The following AGO2 variants were observed in gnomAD, a reference collection of about 807,000 sequenced individuals.
AGO2 encodes protein argonaute-2.
AGO2 carries 5 observed loss-of-function variants against 102.3 expected under a neutral mutation model. The observed-to-expected ratio is 0.05, with a 90% confidence interval of 0.03 to 0.10. The LOEUF (loss-of-function observed/expected upper bound fraction) is 0.10. Ranked by LOEUF, AGO2 falls within the 10% of genes least tolerant of loss-of-function variation. The pLI, the probability that AGO2 is intolerant of heterozygous loss-of-function variation, is 1.00. For missense variants in AGO2, 541 were observed against 1,183.7 expected (o/e 0.46, Z 7.97); for synonymous variants, 449 against 473.1 (o/e 0.95, Z 0.66).
In AGO2 at chr8:140,557,261, G is replaced by T; in HGVS notation, c.879-25C>A. On this transcript the variant is annotated intron_variant, in intron 7 of 18. Transcript: ENST00000220592. This position sits in a 1 kb window ranked among gnomAD's most constrained non-coding sequence, Gnocchi z 5.9. ...TCTGAGGAGCAAAGGGGCTGTTCAG[G>T]CCGAGGGCATCCCGGAGCCCCTTCC... is the stretch of plus-strand genomic sequence containing the variant. 6.3e-7 allele frequency: 1 copy of T among 1,594,658 alleles called. No homozygotes were observed. The highest frequency in any genetic ancestry group is 1.8e-4 in the Middle Eastern group (1 of 5,648).
intron 1 of AGO2, among the ~76,000 whole-genome samples, chr8:140,623,958 G>A (rs767116776): frequency 2.0e-5 from 3 of 152,098 alleles, no homozygotes; most frequent in Admixed American, 6.5e-5. Flanking sequence ...TAGACACAAG[G>A]GAACCAAGAT....
At chr8:140,551,268 C>A (rs776100592) in intron 11 of AGO2, 35 bp downstream of exon 11, 1 of 1,473,318 alleles carries the variant, frequency 6.8e-7, no homozygotes, top group Non-Finnish European at 9.1e-7. Flanking sequence ...CGGGCAGCAC[C>A]CCCAGGCCGG....
intron 6 of AGO2, 91 bp from the exon 7 acceptor site, chr8:140,558,663 G>T: frequency 1.8e-5 from 25 of 1,393,164 alleles, no homozygotes; most frequent in South Asian, 3.5e-5. Flanking sequence ...TAGGAATGTG[G>T]CTGGGGACCC....
intron 1 of AGO2, among the ~76,000 whole-genome samples, chr8:140,606,117 A>G (rs1174961498): frequency 6.6e-6 from 1 of 152,230 alleles, no homozygotes; most frequent in African/African-American, 2.4e-5. Context: ...TAAGTAAGGT[A>G]AGATTTTTTC....
intron 1 of AGO2, among the ~76,000 whole-genome samples, chr8:140,600,689 A>G (rs1319755186): frequency 6.6e-6 from 1 of 151,768 alleles, no homozygotes; most frequent in African/African-American, 2.4e-5. Flanking sequence ...TCAAAAAAAA[A>G]AAAAAATCCA....
intron 1 of AGO2, among the ~76,000 whole-genome samples, chr8:140,627,679 T>A (rs1055619977): frequency 2.0e-5 from 3 of 152,200 alleles, no homozygotes; most frequent in African/African-American, 7.2e-5. Flanking sequence ...AAACAGGTAT[T>A]GGCCGATTTG....
At chr8:140,573,482 G>A (rs1436233673) in intron 2 of AGO2, among the ~76,000 whole-genome samples, 1 of 152,070 alleles carries the variant, frequency 6.6e-6, no homozygotes, top group Non-Finnish European at 1.5e-5. Context: ...CCAGCCCTCT[G>A]ATGCTATTTT....
rs1325125494 is a variant in AGO2 at position 140,567,959 on chromosome 8, C to T, written c.336+4853G>A. ...CGGGCAATGTGGCAAAACTCTGTCC[C>T]TACAAAAAGAAAATTAGTGGCGGGG... On this transcript the variant is annotated intron_variant, in intron 3 of 18. Transcript: ENST00000220592. The surrounding 1 kb of genome is among the most constrained non-coding windows in gnomAD (Gnocchi z 5.0). Among the ~76,000 whole-genome samples the T allele has an allele frequency of 1.3e-5, 2 of 152,028 alleles. No individual in the cohort carries two copies. Among genetic ancestry groups the T allele is most frequent in the Non-Finnish European group, 2.9e-5 (2 of 67,976 alleles).
rs2293938 is a variant in AGO2 at position 140,540,968 on chromosome 8, G to C, written c.2034+196C>G. ...CCTCCCCTCCCTCTGTCCTGCCTCA[G>C]TGTCATGTGTTAGGGTCTCGACAGC... On this transcript the variant is annotated intron_variant, in intron 15 of 18. Coordinates refer to ENST00000220592, the MANE Select transcript of AGO2 (RefSeq NM_012154.5). This position sits in a 1 kb window ranked among gnomAD's most constrained non-coding sequence, Gnocchi z 5.0. Among the ~76,000 whole-genome samples the C allele has an allele frequency of 0.23, 34,482 of 151,444 alleles. 4,449 individuals carry two copies. Among genetic ancestry groups the C allele is most frequent in the East Asian group, 0.34 (1,724 of 5,080 alleles).
In AGO2 at chr8:140,540,081, T is replaced by C. The variant is rs1254830755; in HGVS notation, c.2035-627A>G. On this transcript the variant is annotated intron_variant, in intron 15 of 18. Transcript: ENST00000220592. The surrounding 1 kb of genome is among the most constrained non-coding windows in gnomAD (Gnocchi z 5.0). Reference sequence around the variant, plus strand: ...CTCCAGACTGGAGACAGCGAGAGTCTTTCTCAAAAAAAACAAACAAAAAAA... The same window carrying C: ...CTCCAGACTGGAGACAGCGAGAGTCCTTCTCAAAAAAAACAAACAAAAAAA... Among the ~76,000 whole-genome samples the C allele has an allele frequency of 6.6e-6, 1 of 151,958 alleles. No individual in the cohort carries two copies. Among genetic ancestry groups the C allele is most frequent in the Non-Finnish European group, 1.5e-5 (1 of 67,972 alleles).
intron 1 of AGO2, among the ~76,000 whole-genome samples, chr8:140,621,575 G>A (rs1022624934): frequency 1.3e-5 from 2 of 152,012 alleles, no homozygotes; most frequent in South Asian, 2.1e-4. Flanking sequence ...CTCCCTTTTC[G>A]GCCTTGTTCA....
chr8:140,624,374 G>A (rs1230575195), intron 1 of AGO2, among the ~76,000 whole-genome samples: 1 of 152,210 alleles, frequency 6.6e-6, no homozygotes, highest in Non-Finnish European at 1.5e-5. Flanking sequence ...CACAGAGCCG[G>A]CGTGCGTGGC....
At chr8:140,588,587 G>GGAGT (rs144110239) in intron 1 of AGO2, among the ~76,000 whole-genome samples, 112,909 of 143,084 alleles carry the variant, frequency 0.79, 44,880 homozygotes, top group Admixed American at 0.83. Flanking sequence ...AGTAAAGAAG[G>GGAGT]GAGGCAGGGA....
chr8:140,592,023 G>C (rs2073753190), intron 1 of AGO2: 1 of 152,090 alleles, frequency 6.6e-6, no homozygotes, highest in African/African-American at 2.4e-5. Context: ...GGGAGGCTGA[G>C]GCAGGAGAAT....
At chr8:140,572,662 G>A in intron 3 of AGO2, 150 bp downstream of exon 3, 1 of 1,116,192 alleles carries the variant, frequency 9.0e-7, no homozygotes, top group Non-Finnish European at 1.2e-6. Context: ...AGTTTTTATG[G>A]ATCTCAGGAC....
At chr8:140,608,694 C>T (rs1293920739) in intron 1 of AGO2, among the ~76,000 whole-genome samples, 1 of 152,214 alleles carries the variant, frequency 6.6e-6, no homozygotes, top group Non-Finnish European at 1.5e-5. Context: ...ACTGCGCAGG[C>T]CAAGCACCTG....
intron 3 of AGO2, among the ~76,000 whole-genome samples, chr8:140,569,430 A>G (rs1164667251): frequency 1.3e-5 from 2 of 152,130 alleles, no homozygotes; most frequent in Non-Finnish European, 2.9e-5. Flanking sequence ...CCACCACCCA[A>G]ATCCCTTCCA....
intron 2 of AGO2, among the ~76,000 whole-genome samples, chr8:140,576,983 G>A: frequency 6.6e-6 from 1 of 152,076 alleles, no homozygotes; most frequent in East Asian, 1.9e-4. Flanking sequence ...CGAAGCAGGT[G>A]GATCACGAGA....
chr8:140,597,480 C>CCCCCCCCCCCCCCCCCA (rs2073864620), intron 1 of AGO2, among the ~76,000 whole-genome samples: 3 of 132,126 alleles, frequency 2.3e-5, no homozygotes, highest in Non-Finnish European at 3.3e-5. Context: ...CCCCACCCCC[C>CCCCCCCCCCCCCCCCCA]CCCCCCCGCC....
Sources: gnomAD v4.1 joint callset for allele counts (sites outside exome capture counted in the v4.1 genomes callset) on GRCh38, gnomAD v4.1.1 for gene constraint, Gnocchi (gnomAD v3.1) non-coding constraint, MANE v1.5 for transcripts, NCBI Gene and HGNC (gene_info 2026-07-23, HGNC 2026-07-21) for gene names.